The following ADGRD1 variants were observed in gnomAD, a reference collection of about 807,000 sequenced individuals.
ADGRD1 encodes the protein G-protein coupled receptor 133.
ADGRD1 carries 77 observed loss-of-function variants against 113.4 expected under a neutral mutation model. That is an observed-to-expected ratio of 0.68 (90% confidence interval 0.57 to 0.82). The LOEUF is 0.82. ADGRD1 is among the 40% of genes least tolerant of loss of function. The pLI is 0.00. For synonymous variants in ADGRD1, 474 were observed against 475.0 expected, an observed-to-expected ratio of 1.00 and a Z score of 0.03; for missense variants, 1,036 against 1,139.1, an observed-to-expected ratio of 0.91 and a Z score of 1.30.
intron 12 of ADGRD1, among the ~76,000 whole-genome samples, chr12:131,010,447 G>A (rs537767044): frequency 3.3e-5 from 5 of 152,224 alleles, no homozygotes; most frequent in African/African-American, 7.2e-5. Flanking sequence ...CCAAATAACC[G>A]AATAACAGCC....
intron 14 of ADGRD1, among the ~76,000 whole-genome samples, chr12:131,077,596 C>A (rs190218921): frequency 6.6e-6 from 1 of 152,084 alleles, no homozygotes; most frequent in African/African-American, 2.4e-5. Context: ...CAGCTCCCCG[C>A]AGGGCCGGGG....
chr12:130,984,042 C>T lies in ADGRD1; in HGVS notation c.490+1979C>T, dbSNP rs944771902. ...GGTTGGTCTTCCCTCTACCAACTCA[C>T]TCCCATGTTGGTTAACATTATACGC... is the stretch of plus-strand genomic sequence containing the variant. On this transcript the variant is annotated intron_variant, in intron 5 of 24. Transcript: ENST00000261654. This position sits in a 1 kb window ranked among gnomAD's most constrained non-coding sequence, Gnocchi z 4.1. Among the ~76,000 whole-genome samples the T allele has an allele frequency of 6.6e-6, 1 of 152,216 alleles. No homozygotes were observed. Among genetic ancestry groups the T allele is most frequent in the Admixed American group, 6.5e-5 (1 of 15,286 alleles).
At chr12:131,083,090 G>C (rs537545371) in intron 14 of ADGRD1, among the ~76,000 whole-genome samples, 1 of 152,176 alleles carries the variant, frequency 6.6e-6, no homozygotes, top group Non-Finnish European at 1.5e-5. Flanking sequence ...TCATGCCATC[G>C]GACAGCCACA....
chr12:131,047,475 C>T (rs1233847023), intron 13 of ADGRD1, among the ~76,000 whole-genome samples: 1 of 152,196 alleles, frequency 6.6e-6, no homozygotes, highest in African/African-American at 2.4e-5. Context: ...AGGGAGCCCC[C>T]TGTCGGGAGG....
chr12:130,998,030 C>T (rs974044382), intron 8 of ADGRD1, among the ~76,000 whole-genome samples: 3 of 152,094 alleles, frequency 2.0e-5, no homozygotes, highest in Admixed American at 1.3e-4. Flanking sequence ...AGCGAAACCC[C>T]GTCTCCACCA....
intron 4 of ADGRD1, among the ~76,000 whole-genome samples, chr12:130,975,088 C>T (rs1872151344): frequency 6.6e-6 from 1 of 152,124 alleles, no homozygotes; most frequent in Non-Finnish European, 1.5e-5. Context: ...TCTTTCAACT[C>T]CCCTGACCAG....
At chr12:131,071,876 G>A (rs1221169466) in intron 13 of ADGRD1, among the ~76,000 whole-genome samples, 1 of 151,184 alleles carries the variant, frequency 6.6e-6, no homozygotes, top group Non-Finnish European at 1.5e-5. Flanking sequence ...AGGGTTCTCG[G>A]AGACATCGCA....
Position 130,984,979 on chromosome 12 carries a change from G to T in ADGRD1, c.491-2116G>T, listed in dbSNP as rs1245344895. On this transcript the variant is annotated intron_variant, in intron 5 of 24. Coordinates refer to ENST00000261654, the MANE Select transcript of ADGRD1 (RefSeq NM_198827.5). The surrounding 1 kb of genome is among the most constrained non-coding windows in gnomAD (Gnocchi z 4.1). ...TCTTTCTGACAGGATCTGTCATCCA[G>T]GCTGGAGTACAGTGGTGCAATCACA... Among the ~76,000 whole-genome samples the T allele has an allele frequency of 6.6e-6, 1 of 151,258 alleles. No homozygotes were observed. Among genetic ancestry groups the T allele is most frequent in the African/African-American group, 2.4e-5 (1 of 41,082 alleles).
Position 131,027,740 on chromosome 12 carries a change from C to T in ADGRD1, c.1473+13400C>T, listed in dbSNP as rs1291490740. 1.3e-5 allele frequency: 2 copies of T among 152,172 alleles called. No individual in the cohort carries two copies. Among genetic ancestry groups the T allele is most frequent in the Non-Finnish European group, 2.9e-5 (2 of 68,036 alleles). The allele number at this position is 152,172 out of a possible 1,614,324, so 9.4% of individuals were successfully genotyped here. On this transcript the variant is annotated intron_variant, in intron 13 of 24. Transcript: ENST00000261654. The surrounding 1 kb of genome is among the most constrained non-coding windows in gnomAD (Gnocchi z 5.1). ...GACCAAACTTCTCATCACCCTGCAT[C>T]CCCCTGCCAGCCATGTTTTAAAAGC...
intron 15 of ADGRD1, among the ~76,000 whole-genome samples, chr12:131,090,311 A>G (rs1886826139): frequency 6.6e-6 from 1 of 152,216 alleles, no homozygotes; most frequent in South Asian, 2.1e-4. Flanking sequence ...GAGAATTAAT[A>G]AAAATAGCAC....
In ADGRD1 at chr12:131,103,952, G is replaced by A. The variant is rs377072777; in HGVS notation, c.1672-879G>A. ...TTAGGAGCCCGGAGCCTCCTGGAGCGCAGGGTCACATGTGTCTGAGCTTGA... is the reference window on the plus strand; with the variant it reads ...TTAGGAGCCCGGAGCCTCCTGGAGCACAGGGTCACATGTGTCTGAGCTTGA... On this transcript the variant is annotated intron_variant, in intron 15 of 24. Coordinates refer to ENST00000261654, the MANE Select transcript of ADGRD1 (RefSeq NM_198827.5). 2.9e-3 allele frequency among the ~76,000 whole-genome samples: 435 copies of A among 152,290 alleles called. 3 individuals are homozygous for A. Among genetic ancestry groups the A allele is most frequent in the Middle Eastern group, 0.01 (3 of 294 alleles).
intron 13 of ADGRD1, among the ~76,000 whole-genome samples, chr12:131,065,186 G>T (rs1427117522): frequency 6.6e-6 from 1 of 152,192 alleles, no homozygotes; most frequent in Admixed American, 6.5e-5. Context: ...ATGGTGCCGG[G>T]GGTTCAGGGT....
At chr12:131,108,290 C>T (rs901827013) in intron 17 of ADGRD1, among the ~76,000 whole-genome samples, 1 of 152,194 alleles carries the variant, frequency 6.6e-6, no homozygotes, top group African/African-American at 2.4e-5. Context: ...GCAGGCTCCA[C>T]ACCTCTCTGG....
chr12:130,967,299 C>CA (rs34998451), intron 3 of ADGRD1: 1 of 203,842 alleles, frequency 4.9e-6, no homozygotes, highest in Non-Finnish European at 1.1e-5. Flanking sequence ...GGCCCAATTC[C>CA]AAATAGTCTG....
At chr12:130,968,434 A>G (rs776730072) in intron 3 of ADGRD1, 5 of 153,882 alleles carry the variant, frequency 3.2e-5, no homozygotes, top group Admixed American at 6.5e-5. Context: ...GGAGAAAAGA[A>G]AAGAATAGAC....
intron 7 of ADGRD1, 54 bp from the exon 8 acceptor site, chr12:130,992,183 A>T: frequency 2.2e-6 from 3 of 1,376,884 alleles, no homozygotes; most frequent in Non-Finnish European, 3.0e-6. Flanking sequence ...AAACTTCTGT[A>T]TAATATTTTG....
chr12:131,111,796 T>C lies in ADGRD1; in HGVS notation c.2041+2919T>C, dbSNP rs1254188871. ...TCTTTTTTTAGAATTTTGATCTCTT[T>C]GTTGCTATTCTGTGTTTGATGAGAC... On this transcript the variant is annotated intron_variant, in intron 18 of 24. Coordinates refer to ENST00000261654, the MANE Select transcript of ADGRD1 (RefSeq NM_198827.5). Among the ~76,000 whole-genome samples the C allele has an allele frequency of 2.0e-5, 3 of 152,348 alleles. No individual in the cohort carries two copies. The East Asian group carries it at 5.8e-4, about 29-fold the overall frequency.
intron 13 of ADGRD1, among the ~76,000 whole-genome samples, chr12:131,071,421 G>C (rs1007469761): frequency 2.6e-5 from 4 of 152,170 alleles, no homozygotes; most frequent in Non-Finnish European, 4.4e-5. Flanking sequence ...GAGGCCACTG[G>C]GAGAAGAGGA....
rs200984326 is a variant in ADGRD1, at chr12:131,046,200, GCT to G, written c.1474-30599_1474-30598del. Among the ~76,000 whole-genome samples the G allele has an allele frequency of 4.5e-5, 3 of 66,368 alleles. 1 individual carries two copies. Among genetic ancestry groups the G allele is most frequent in the Admixed American group, 3.2e-4 (2 of 6,298 alleles). The allele number at this position is 66,368 out of a possible 152,430, so 43.5% of individuals were successfully genotyped here. ...GGTCAATGCTCCCTCCCTGGTCAGT[GCT>G]CCCTCCCTGGTCAGTGTCCTCCCTG... is the stretch of plus-strand genomic sequence containing the variant. On this transcript the variant is annotated intron_variant, in intron 13 of 24. Coordinates refer to ENST00000261654, the MANE Select transcript of ADGRD1 (RefSeq NM_198827.5).
Sources: allele counts gnomAD v4.1 joint callset (sites outside exome capture counted in the v4.1 genomes callset), GRCh38; gene constraint gnomAD v4.1.1; non-coding constraint Gnocchi (gnomAD v3.1); transcripts MANE v1.5; gene names NCBI Gene and HGNC (gene_info 2026-07-23, HGNC 2026-07-21).